Variants in MCF2L observed in about 807,000 individuals in gnomAD.
MCF2L encodes the protein guanine nucleotide exchange factor DBS.
MCF2L carries 97 observed loss-of-function variants against 153.4 expected under a neutral mutation model. The observed-to-expected ratio is 0.63, with a 90% confidence interval of 0.54 to 0.75. The LOEUF is 0.75. Among genes scored for constraint, MCF2L ranks in the 30% least tolerant of loss-of-function variants. MCF2L has a pLI of 0.00. For missense variants in MCF2L, 1,347 were observed against 1,495.2 expected (o/e 0.90, Z 1.64); for synonymous variants, 659 against 632.2 (o/e 1.04, Z -0.64).
At position 113,087,604 on chromosome 13, in the gene MCF2L, C is replaced by T. The variant is rs986447223; in HGVS notation, c.2596-103C>T. 4 of 1,185,842 alleles carry T rather than the reference C, an allele frequency of 3.4e-6. No homozygotes were observed. The African/African-American group carries it at 6.0e-5, about 18-fold the overall frequency. The allele number at this position is 1,185,842 out of a possible 1,614,324, so 73.5% of individuals were successfully genotyped here. ...GTATTCTGCCATTCTTAGCCCTCAC[C>T]CCCAAAGTATTTCCATCATTTCGTG... On this transcript the variant is annotated intron_variant, in intron 22 of 29. Transcript: ENST00000535094.
intron 2 of MCF2L, among the ~76,000 whole-genome samples, chr13:112,942,612 G>A (rs771940590): frequency 2.6e-5 from 4 of 152,078 alleles, no homozygotes; most frequent in South Asian, 4.2e-4. Flanking sequence ...GGACCCTACA[G>A]TCCACCTGTC....
upstream of MCF2L, chr13:112,967,781 GCA>G (rs1566667074): frequency 8.8e-5 from 11 of 125,430 alleles, no homozygotes; most frequent in Admixed American, 2.6e-4. Flanking sequence ...CTGGAATGGT[GCA>G]CGCACGCTCT....
chr13:113,051,499 G>A lies in MCF2L; in HGVS notation c.369+6138G>A, dbSNP rs116213525. ...CCTAAGGGTGGATTTGACAGCCTTGGGGTATCCAGCAGGGGTGGGAGATCC... is the reference window on the plus strand; with the variant it reads ...CCTAAGGGTGGATTTGACAGCCTTGAGGTATCCAGCAGGGGTGGGAGATCC... On this transcript the variant is annotated intron_variant, in intron 4 of 29. Transcript: ENST00000535094. Among the ~76,000 whole-genome samples, 631 of 152,310 alleles carry A rather than the reference G, an allele frequency of 4.1e-3. 3 individuals are homozygous for A. The highest frequency in any genetic ancestry group is 0.014 in the African/African-American group (594 of 41,574).
At chr13:112,996,526 C>T (rs1246846114) in intron 1 of MCF2L, among the ~76,000 whole-genome samples, 2 of 152,212 alleles carry the variant, frequency 1.3e-5, no homozygotes, top group Non-Finnish European at 2.9e-5. Flanking sequence ...ATGTTTCCCA[C>T]CATGTGGAAC....
chr13:113,090,432 T>TGGGGGGGCC, intron 26 of MCF2L: 1 of 533,294 alleles, frequency 1.9e-6, no homozygotes, highest in Non-Finnish European at 2.4e-6. Flanking sequence ...CTCCTTCCTC[T>TGGGGGGGCC]CCCTGCCCCC....
chr13:112,935,051 C>G (rs374870280), intron 2 of MCF2L, among the ~76,000 whole-genome samples: 1 of 152,146 alleles, frequency 6.6e-6, no homozygotes, highest in Non-Finnish European at 1.5e-5. Flanking sequence ...TGTTGAAGCC[C>G]TAAACCCCAG....
In MCF2L at chr13:113,013,599, C is replaced by G. The variant is rs80071368; in HGVS notation, c.80-1164C>G. On this transcript the variant is annotated intron_variant, in intron 1 of 29. Transcript: ENST00000535094. ...TCTGGCAGCCTCCGCTGGGAATTTC[C>G]AGGTACAAACACCTCTGTCCCATAT... Among the ~76,000 whole-genome samples, 1,271 of 152,308 alleles carry G rather than the reference C, an allele frequency of 8.3e-3. 17 individuals carry two copies. Among genetic ancestry groups the G allele is most frequent in the African/African-American group, 0.029 (1,207 of 41,548 alleles).
chr13:112,982,870 G>A (rs1464890302), intron 1 of MCF2L, among the ~76,000 whole-genome samples: 1 of 152,158 alleles, frequency 6.6e-6, no homozygotes, highest in Non-Finnish European at 1.5e-5. Context: ...AGAGAACAAG[G>A]GCGAGGATGG....
At chr13:113,004,975 C>T (rs112827074) in intron 1 of MCF2L, among the ~76,000 whole-genome samples, 5 of 152,168 alleles carry the variant, frequency 3.3e-5, no homozygotes, top group African/African-American at 4.8e-5. Context: ...AGAGCACTGT[C>T]GTTGGAGCCA....
rs890448510 is a variant in MCF2L at position 113,045,182 on chromosome 13, C to T, written c.279-89C>T. 5.3e-6 allele frequency: 6 copies of T among 1,125,642 alleles called. No homozygotes were observed. Among genetic ancestry groups the T allele is most frequent in the African/African-American group, 1.5e-5 (1 of 65,568 alleles). 69.7% of individuals were successfully genotyped at this position (1,125,642 alleles called of 1,614,324 possible). A position where few individuals can be genotyped will look rare whatever the true frequency, so the allele number is the denominator to read the frequency against. On this transcript the variant is annotated intron_variant, in intron 3 of 29. Transcript: ENST00000535094. This position sits in a 1 kb window ranked among gnomAD's most constrained non-coding sequence, Gnocchi z 4.2. ...AAATGGCATCATGAATATGGGGGAT[C>T]GCTCTCCCAAGAGGTTTTCTGAGGG...
chr13:112,959,483 G>A (rs1454563655), intron 2 of MCF2L, among the ~76,000 whole-genome samples: 1 of 152,250 alleles, frequency 6.6e-6, no homozygotes, highest in Non-Finnish European at 1.5e-5. Flanking sequence ...AGAACACAGT[G>A]TGCTTTGTTC....
chr13:112,980,396 A>C (rs1393070963), intron 1 of MCF2L, among the ~76,000 whole-genome samples: 1 of 152,204 alleles, frequency 6.6e-6, no homozygotes, highest in East Asian at 1.9e-4. Context: ...TGGGCTGTGG[A>C]ACGTGGGGCA....
chr13:112,899,877 C>T (rs1049099381), intron 1 of MCF2L, among the ~76,000 whole-genome samples: 1 of 152,170 alleles, frequency 6.6e-6, no homozygotes, highest in Non-Finnish European at 1.5e-5. Context: ...TCTTTTCCAC[C>T]GTATCTTGAG....
At chr13:112,988,323 T>A (rs2082732670) in intron 1 of MCF2L, among the ~76,000 whole-genome samples, 1 of 152,196 alleles carries the variant, frequency 6.6e-6, no homozygotes, top group Admixed American at 6.5e-5. Flanking sequence ...AAGAATGTAT[T>A]TCTAAAATAG....
intron 1 of MCF2L, among the ~76,000 whole-genome samples, chr13:113,003,990 C>T (rs1206445780): frequency 1.3e-5 from 2 of 152,326 alleles, no homozygotes; most frequent in Non-Finnish European, 1.5e-5. Flanking sequence ...CACCGTGGTA[C>T]AGTCCAGACT....
In MCF2L at chr13:112,907,910, G is replaced by A. The variant is rs753233428; in HGVS notation, c.169+5539G>A. ...TATAGTTCTGAGTCTCGAGTGAGAC[G>A]GCCTCTGAAGATGAACATGTTGTTT... On this transcript the variant is annotated intron_variant, in intron 2 of 29. Transcript: ENST00000375608. The surrounding 1 kb of genome is among the most constrained non-coding windows in gnomAD (Gnocchi z 5.1). Among the ~76,000 whole-genome samples, 11 of 152,128 alleles carry A rather than the reference G, an allele frequency of 7.2e-5. No homozygotes were observed. Among genetic ancestry groups the A allele is most frequent in the African/African-American group, 1.2e-4 (5 of 41,416 alleles).
chr13:112,923,895 C>T (rs141763862), intron 2 of MCF2L, among the ~76,000 whole-genome samples: 35 of 152,184 alleles, frequency 2.3e-4, no homozygotes, highest in Admixed American at 7.9e-4. Flanking sequence ...TTCATGACAC[C>T]GCCACTTTGG....
At chr13:112,962,262 CACAT>C (rs1382581102) in intron 2 of MCF2L, among the ~76,000 whole-genome samples, 9 of 152,042 alleles carry the variant, frequency 5.9e-5, no homozygotes, top group Non-Finnish European at 1.0e-4. Context: ...GACATGCTCA[CACAT>C]GTAGGCACAG....
At chr13:113,024,870 T>C in intron 3 of MCF2L, 112 bp downstream of exon 3, 1 of 836,292 alleles carries the variant, frequency 1.2e-6, no homozygotes, top group African/African-American at 1.8e-5. Flanking sequence ...CCTGTGAGAT[T>C]TCCCTGTCAT....
Sources: gnomAD v4.1 joint callset for allele counts (sites outside exome capture counted in the v4.1 genomes callset) on GRCh38, gnomAD v4.1.1 for gene constraint, Gnocchi (gnomAD v3.1) non-coding constraint, MANE v1.5 for transcripts, NCBI Gene and HGNC (gene_info 2026-07-23, HGNC 2026-07-21) for gene names.